NXPE2: variants seen among roughly 807,000 people sequenced by gnomAD.
NXPE2 encodes NXPE family member 2.
NXPE2 carries 34 observed loss-of-function variants against 34.4 expected under a neutral mutation model. That is an observed-to-expected ratio of 0.99 (90% CI 0.75 to 1.31). The LOEUF (loss-of-function observed/expected upper bound fraction) is 1.31, where lower values mean the gene tolerates loss of function less well. NXPE2 is among the 40% of genes most tolerant of loss of function. NXPE2 has a pLI of 0.00. For missense variants in NXPE2, 649 were observed against 672.5 expected (o/e 0.97, Z 0.39); for synonymous variants, 235 against 231.3 (o/e 1.02, Z -0.15).
the NXPE2 span, among the ~76,000 whole-genome samples, chr11:114,611,568 C>A: frequency 6.6e-6 from 1 of 151,728 alleles, no homozygotes; most frequent in African/African-American, 2.4e-5. Flanking sequence ...ACCAGTATTA[C>A]CTGCTGGATA....
the NXPE2 span, among the ~76,000 whole-genome samples, chr11:114,626,900 A>G: frequency 6.6e-6 from 1 of 152,142 alleles, no homozygotes; most frequent in Admixed American, 6.6e-5. Flanking sequence ...GATGCGATCA[A>G]CTGGAAGAAA....
At chr11:114,614,820 C>CACTGTTATCTGGTGGATAACAAGTGTT in the NXPE2 span, among the ~76,000 whole-genome samples, 6 of 151,082 alleles carry the variant, frequency 4.0e-5, no homozygotes, top group Admixed American at 1.3e-4. Context: ...CGTGGGTAAC[C>CACTGTTATCTGGTGGATAACAAGTGTT]ACTGTTATCT....
the NXPE2 span, chr11:114,527,697 T>A: frequency 1.8e-6 from 1 of 544,386 alleles, no homozygotes; most frequent in Admixed American, 3.6e-5. Context: ...TTCCTTGAGT[T>A]CATTTCTCCC....
the NXPE2 span, among the ~76,000 whole-genome samples, chr11:114,799,665 G>A: frequency 1.3e-5 from 2 of 152,316 alleles, no homozygotes; most frequent in African/African-American, 4.8e-5. Flanking sequence ...GAGGCAGAAG[G>A]GGGAGAGCAG....
In NXPE2 at chr11:114,698,049, C is replaced by A; in HGVS notation, c.137C>A (p.Ser46Ter). 1 of 1,492,802 alleles carries A rather than the reference C, an allele frequency of 6.7e-7. No homozygotes were observed. Among genetic ancestry groups the A allele is most frequent in the Non-Finnish European group, 9.0e-7 (1 of 1,116,128 alleles). The allele number at this position is 1,492,802 out of a possible 1,614,324, so 92.5% of individuals were successfully genotyped here. A position where few individuals can be genotyped will look rare whatever the true frequency, so the allele number is the denominator to read the frequency against. Residue 46 changes from serine to a stop codon, truncating the protein, a stop_gained, in exon 3 of 6, where the codon TCG (serine) becomes TAG (stop). Transcript: ENST00000389586. LOFTEE classifies it high-confidence loss of function. Reference sequence around the variant, plus strand: ...TTTTCCCTTTCAATATTTCAGTTCTCGTTCAACTTGGAAAACCATATTATC... The same window carrying A: ...TTTTCCCTTTCAATATTTCAGTTCTAGTTCAACTTGGAAAACCATATTATC... ...YLASKDHTKF[S>*]FNLENHIILN...
chr11:114,621,473 T>C, the NXPE2 span, among the ~76,000 whole-genome samples: 1 of 152,176 alleles, frequency 6.6e-6, no homozygotes, highest in African/African-American at 2.4e-5. Context: ...AAGTATTGCC[T>C]CATGGGTAAC....
the NXPE2 span, among the ~76,000 whole-genome samples, chr11:114,628,672 G>A: frequency 1.6e-4 from 19 of 116,692 alleles, no homozygotes; most frequent in East Asian, 4.5e-3. Context: ...ACTAAAATCA[G>A]AGCAGAACTG....
the NXPE2 span, among the ~76,000 whole-genome samples, chr11:114,739,168 C>T: frequency 6.6e-6 from 1 of 152,206 alleles, no homozygotes; most frequent in Admixed American, 6.5e-5. Context: ...AATAGCTTCT[C>T]AGGTGCCACA....
chr11:114,805,191 GTTT>G, the NXPE2 span, among the ~76,000 whole-genome samples: 275 of 146,462 alleles, frequency 1.9e-3, 1 homozygote, highest in African/African-American at 6.6e-3. Flanking sequence ...ACCACAAGGA[GTTT>G]TTTTTTTTTT....
the NXPE2 span, among the ~76,000 whole-genome samples, chr11:114,648,445 C>G: frequency 6.6e-6 from 1 of 152,168 alleles, no homozygotes; most frequent in Non-Finnish European, 1.5e-5. Flanking sequence ...TCTATTCAGG[C>G]TTTCACAAAT....
At chr11:114,586,345 A>T in the NXPE2 span, among the ~76,000 whole-genome samples, 1 of 152,174 alleles carries the variant, frequency 6.6e-6, no homozygotes, top group Non-Finnish European at 1.5e-5. Flanking sequence ...TCATTATGGG[A>T]GCCCACCTGG....
the NXPE2 span, among the ~76,000 whole-genome samples, chr11:114,781,321 G>A: frequency 6.6e-6 from 1 of 152,232 alleles, no homozygotes; most frequent in African/African-American, 2.4e-5. Flanking sequence ...CTTTTCCCAA[G>A]GACCCTTGGT....
At chr11:114,617,670 T>C in the NXPE2 span, among the ~76,000 whole-genome samples, 3 of 152,144 alleles carry the variant, frequency 2.0e-5, no homozygotes, top group Non-Finnish European at 4.4e-5. Context: ...GTAACCACTG[T>C]TACCCGGTGG....
At chr11:114,585,877 G>A in the NXPE2 span, among the ~76,000 whole-genome samples, 1 of 152,128 alleles carries the variant, frequency 6.6e-6, no homozygotes, top group Non-Finnish European at 1.5e-5. Context: ...CTACCTGAGG[G>A]CCAGGCATGT....
chr11:114,624,785 A>G, the NXPE2 span, among the ~76,000 whole-genome samples: 1 of 152,094 alleles, frequency 6.6e-6, no homozygotes, highest in Non-Finnish European at 1.5e-5. Flanking sequence ...CCTCGTGGGT[A>G]AGCACTGTTA....
At chr11:114,550,014 G>A in the NXPE2 span, among the ~76,000 whole-genome samples, 166 of 152,160 alleles carry the variant, frequency 1.1e-3, no homozygotes, top group African/African-American at 3.8e-3. Flanking sequence ...TTTAGCACAC[G>A]TGTCCAAGAT....
intron 2 of NXPE2, among the ~76,000 whole-genome samples, chr11:114,688,820 A>G (rs1241558258): frequency 6.6e-6 from 1 of 152,032 alleles, no homozygotes; most frequent in Non-Finnish European, 1.5e-5. Flanking sequence ...GTTTAATTGT[A>G]AGAGATTATG....
chr11:114,628,671 A>C, the NXPE2 span, among the ~76,000 whole-genome samples: 1 of 122,710 alleles, frequency 8.1e-6, no homozygotes, highest in Non-Finnish European at 1.7e-5. Flanking sequence ...AACTAAAATC[A>C]GAGCAGAACT....
chr11:114,698,805 A>G, intron 3 of NXPE2, 27 bp downstream of exon 3: 1 of 1,458,982 alleles, frequency 6.9e-7, no homozygotes, highest in Non-Finnish European at 9.0e-7. Context: ...ATACAATAGC[A>G]GATAAAAAGA....
Sources: gnomAD v4.1 joint callset for allele counts (sites outside exome capture counted in the v4.1 genomes callset) on GRCh38, gnomAD v4.1.1 for gene constraint, MANE v1.5 for transcripts, NCBI Gene and HGNC (gene_info 2026-07-23, HGNC 2026-07-21) for gene names.